MAPKAPK2: variants seen among roughly 807,000 people sequenced by gnomAD.
The protein encoded by MAPKAPK2 is MAPK activated protein kinase 2.
Under a neutral mutation model 48.8 loss-of-function variants are expected in MAPKAPK2, and 9 were observed. The ratio of observed to expected loss-of-function variants is 0.18; its 90% confidence interval spans 0.11 to 0.32. The LOEUF (loss-of-function observed/expected upper bound fraction) is 0.32, where lower values mean the gene tolerates loss of function less well. Ranked by LOEUF, MAPKAPK2 falls within the 10% of genes least tolerant of loss-of-function variation. The probability of loss-of-function intolerance (pLI) is 1.00; values close to 1 mark genes in which losing one functional copy is unlikely to be tolerated. For synonymous variants in MAPKAPK2, 202 were observed against 190.6 expected (o/e 1.06, Z -0.49); for missense variants, 331 against 498.3 (o/e 0.66, Z 3.20).
chr1:206,713,986 G>A (rs553456279), intron 1 of MAPKAPK2, among the ~76,000 whole-genome samples: 1 of 152,206 alleles, frequency 6.6e-6, no homozygotes, highest in Non-Finnish European at 1.5e-5. Flanking sequence ...TTCTGTGGGT[G>A]ACGGAGGGAG....
chr1:206,731,629 C>G lies in MAPKAPK2; in HGVS notation c.893-11C>G, dbSNP rs1553432709. 3 of 1,609,258 alleles carry G rather than the reference C, an allele frequency of 1.9e-6. No homozygotes were observed. Among genetic ancestry groups the G allele is most frequent in the Non-Finnish European group, 2.6e-6 (3 of 1,175,590 alleles). Reference sequence around the variant, plus strand: ...CCCTGAGCTGTCACTGCCCCCTGTCCCACCCCACAGTGAAGATGCTCATTC... The same window carrying G: ...CCCTGAGCTGTCACTGCCCCCTGTCGCACCCCACAGTGAAGATGCTCATTC... On this transcript the variant is annotated splice_polypyrimidine_tract_variant and intron_variant, in intron 7 of 9. Transcript: ENST00000367103. The surrounding 1 kb of genome is among the most constrained non-coding windows in gnomAD (Gnocchi z 5.9).
intron 1 of MAPKAPK2, among the ~76,000 whole-genome samples, chr1:206,711,171 T>C (rs1673128713): frequency 6.6e-6 from 1 of 152,224 alleles, no homozygotes; most frequent in Admixed American, 6.5e-5. Context: ...CTTTTTCTCT[T>C]TTTAAAACAT....
chr1:206,686,099 C>T (rs1672280079), intron 1 of MAPKAPK2, among the ~76,000 whole-genome samples: 1 of 152,142 alleles, frequency 6.6e-6, no homozygotes, highest in Non-Finnish European at 1.5e-5. Flanking sequence ...TCCTGGGTGT[C>T]CCCCGGCTGC....
intron 1 of MAPKAPK2, among the ~76,000 whole-genome samples, chr1:206,692,528 G>C (rs1368042671): frequency 6.6e-6 from 1 of 152,226 alleles, no homozygotes; most frequent in African/African-American, 2.4e-5. Flanking sequence ...ATCAGGTTTG[G>C]TGGGAGGAGG....
At position 206,729,493 on chromosome 1, in the gene MAPKAPK2, C is replaced by A. The variant is rs200377409; in HGVS notation, c.564+18C>A. 154 of 1,610,506 alleles carry A rather than the reference C, an allele frequency of 9.6e-5. 1 individual carries two copies. The East Asian group carries it at 3.3e-3, about 35-fold the overall frequency. ...ATGTCAAGGTGCCAGCTGTTCATAACCCTGAGCCCGAGTGCTGTGGGGGGC... is the reference window on the plus strand; with the variant it reads ...ATGTCAAGGTGCCAGCTGTTCATAAACCTGAGCCCGAGTGCTGTGGGGGGC... On this transcript the variant is annotated intron_variant, in intron 4 of 9. Transcript: ENST00000367103.
At chr1:206,706,434 C>G (rs1331926938) in intron 1 of MAPKAPK2, among the ~76,000 whole-genome samples, 1 of 152,090 alleles carries the variant, frequency 6.6e-6, no homozygotes, top group Admixed American at 6.5e-5. Context: ...CTGGGTGGGC[C>G]GGGCTTTGGT....
At chr1:206,699,762 G>A (rs1035365649) in intron 1 of MAPKAPK2, among the ~76,000 whole-genome samples, 79 of 152,174 alleles carry the variant, frequency 5.2e-4, no homozygotes, top group African/African-American at 1.8e-3. Context: ...CAGGGAGGCC[G>A]TGTTTGTGTC....
intron 1 of MAPKAPK2, among the ~76,000 whole-genome samples, chr1:206,719,489 G>A (rs1336894858): frequency 6.6e-6 from 1 of 152,186 alleles, no homozygotes; most frequent in African/African-American, 2.4e-5. Context: ...CAAATGTTTG[G>A]GAATGTGTGC....
Position 206,729,958 on chromosome 1 carries a change from C to T in MAPKAPK2, c.565-14C>T, listed in dbSNP as rs1553432387. On this transcript the variant is annotated splice_polypyrimidine_tract_variant and intron_variant, in intron 4 of 9. Transcript: ENST00000367103. ...TCCAGCAGGGTTGCTATTTTTCTGT[C>T]TCTCTTTCTGTAGCCTGAGAATCTC... The T allele has an allele frequency of 1.2e-6, 2 of 1,614,126 alleles. No homozygotes were observed. Among genetic ancestry groups the T allele is most frequent in the Non-Finnish European group, 1.7e-6 (2 of 1,180,000 alleles).
At chr1:206,730,440 G>A (rs1037012428) in intron 5 of MAPKAPK2, among the ~76,000 whole-genome samples, 2 of 152,210 alleles carry the variant, frequency 1.3e-5, no homozygotes, top group African/African-American at 2.4e-5. Context: ...TAAATGAACG[G>A]CATGGGCCTG....
intron 1 of MAPKAPK2, among the ~76,000 whole-genome samples, chr1:206,699,912 G>A (rs940819885): frequency 6.6e-6 from 1 of 151,388 alleles, no homozygotes; most frequent in Non-Finnish European, 1.5e-5. Context: ...CAACATGTCT[G>A]TCTGTCTTTC....
intron 1 of MAPKAPK2, among the ~76,000 whole-genome samples, chr1:206,688,263 T>G (rs1392005371): frequency 6.6e-6 from 1 of 152,214 alleles, no homozygotes; most frequent in Non-Finnish European, 1.5e-5. Context: ...AGGGAGTGAC[T>G]TGTTCAAGGT....
intron 1 of MAPKAPK2, among the ~76,000 whole-genome samples, chr1:206,718,260 T>C (rs1293152991): frequency 6.6e-6 from 1 of 152,186 alleles, no homozygotes; most frequent in African/African-American, 2.4e-5. Context: ...GCCCGGGCGC[T>C]GTGGCTTACG....
chr1:206,728,638 G>A, intron 1 of MAPKAPK2, 72 bp from the exon 2 acceptor site: 3 of 1,542,528 alleles, frequency 1.9e-6, no homozygotes, highest in Non-Finnish European at 2.6e-6. Flanking sequence ...GCGATGTCAG[G>A]GCATGTGGGC....
At chr1:206,696,456 T>A (rs527958843) in intron 1 of MAPKAPK2, among the ~76,000 whole-genome samples, 1 of 152,296 alleles carries the variant, frequency 6.6e-6, no homozygotes, top group Admixed American at 6.5e-5. Flanking sequence ...GTAATCTCAG[T>A]GCTTTGGAAG....
At chr1:206,724,541 G>T (rs1673644495) in intron 1 of MAPKAPK2, among the ~76,000 whole-genome samples, 1 of 146,636 alleles carries the variant, frequency 6.8e-6, no homozygotes, top group Admixed American at 7.0e-5. Context: ...GGATGTCAAT[G>T]ACCAGTCCTT....
At chr1:206,725,098 C>T (rs1216376975) in intron 1 of MAPKAPK2, among the ~76,000 whole-genome samples, 2 of 152,218 alleles carry the variant, frequency 1.3e-5, no homozygotes, top group Non-Finnish European at 1.5e-5. Flanking sequence ...GTGCTACATC[C>T]GTCTCCTCTA....
At chr1:206,715,106 G>C (rs1673287214) in intron 1 of MAPKAPK2, among the ~76,000 whole-genome samples, 1 of 152,172 alleles carries the variant, frequency 6.6e-6, no homozygotes, top group South Asian at 2.1e-4. Flanking sequence ...TAGAATTGAG[G>C]CTTCTCTTGA....
intron 1 of MAPKAPK2, chr1:206,696,262 G>A: frequency 4.5e-6 from 6 of 1,319,080 alleles, no homozygotes; most frequent in Non-Finnish European, 5.5e-6. Context: ...CCCCTTTCAA[G>A]GTGCCATTTC....
Sources: allele counts gnomAD v4.1 joint callset (sites outside exome capture counted in the v4.1 genomes callset), GRCh38; gene constraint gnomAD v4.1.1; non-coding constraint Gnocchi (gnomAD v3.1); transcripts MANE v1.5; gene names NCBI Gene and HGNC (gene_info 2026-07-23, HGNC 2026-07-21).